The following COL4A4 variants were observed in gnomAD, a reference collection of about 807,000 sequenced individuals.
COL4A4 encodes collagen alpha-4(IV) chain.
In COL4A4, 105 loss-of-function variants were observed where a neutral mutation model predicts 192.9. The observed-to-expected ratio is 0.54, with a 90% CI of 0.46 to 0.64. COL4A4 has a LOEUF of 0.64. Ranked by LOEUF, COL4A4 falls within the 30% of genes least tolerant of loss-of-function variation. The pLI is 0.00. For missense variants in COL4A4, 1,967 were observed against 2,169.3 expected, an observed-to-expected ratio of 0.91 and a Z score of 1.85; for synonymous variants, 762 against 769.9, an observed-to-expected ratio of 0.99 and a Z score of 0.17.
At chr2:227,152,011 A>G (rs1311987611) in intron 1 of COL4A4, among the ~76,000 whole-genome samples, 2 of 152,212 alleles carry the variant, frequency 1.3e-5, no homozygotes, top group African/African-American at 2.4e-5. Context: ...CTAATTTATC[A>G]TCTAGAATTA....
intron 1 of COL4A4, among the ~76,000 whole-genome samples, chr2:227,158,683 A>C (rs527947000): frequency 2.0e-4 from 30 of 152,160 alleles, no homozygotes; most frequent in African/African-American, 6.7e-4. Flanking sequence ...GGCACTTCAC[A>C]AAAGAAGCTA....
chr2:227,124,385 A>T (rs1032741758), intron 4 of COL4A4, among the ~76,000 whole-genome samples: 1 of 152,254 alleles, frequency 6.6e-6, no homozygotes. Flanking sequence ...TATAATAAAG[A>T]TTAGTTACCA....
chr2:226,997,255 T>C, the COL4A4 span: 1 of 152,236 alleles, frequency 6.6e-6, no homozygotes, highest in South Asian at 2.1e-4. Context: ...TAAATGTGTT[T>C]AAATTAAAAT....
At chr2:227,013,924 C>T (rs957808054) in intron 44 of COL4A4, among the ~76,000 whole-genome samples, 3 of 151,964 alleles carry the variant, frequency 2.0e-5, no homozygotes, top group Non-Finnish European at 2.9e-5. Flanking sequence ...AGTGTGTTAA[C>T]ACAGACGCTG....
At chr2:227,043,252 C>A in intron 35 of COL4A4, 68 bp from the exon 36 acceptor site, 7 of 1,259,664 alleles carry the variant, frequency 5.6e-6, no homozygotes, top group Non-Finnish European at 7.0e-6. Flanking sequence ...TCACCAAGTT[C>A]AGCCCACCCT....
chr2:227,040,970 A>G (rs1314063692), intron 37 of COL4A4, among the ~76,000 whole-genome samples: 2 of 152,102 alleles, frequency 1.3e-5, no homozygotes, highest in African/African-American at 2.4e-5. Flanking sequence ...ATTATATTGT[A>G]TTGTATTATA....
intron 9 of COL4A4, among the ~76,000 whole-genome samples, chr2:227,109,905 C>A (rs577686850): frequency 6.6e-6 from 1 of 152,236 alleles, no homozygotes; most frequent in African/African-American, 2.4e-5. Flanking sequence ...GCATTACTAC[C>A]TACTCCTAAA....
At chr2:226,983,696 G>A in the COL4A4 span, among the ~76,000 whole-genome samples, 3 of 152,040 alleles carry the variant, frequency 2.0e-5, no homozygotes, top group African/African-American at 7.2e-5. Flanking sequence ...GTTAAGGAGT[G>A]TTTTAAGAAG....
At position 227,098,543 on chromosome 2, in the gene COL4A4, C is replaced by T. The variant is rs1040625305; in HGVS notation, c.1204+151G>A. On this transcript the variant is annotated intron_variant, in intron 19 of 47. Coordinates refer to ENST00000396625, the MANE Select transcript of COL4A4 (RefSeq NM_000092.5). ...CCAGGCCCATCTCCCAAGAGTCTAACATTCTTGGTCTGGGGTGTGCACAGG... is the reference window on the plus strand; with the variant it reads ...CCAGGCCCATCTCCCAAGAGTCTAATATTCTTGGTCTGGGGTGTGCACAGG... 7 of 632,270 alleles carry T rather than the reference C, an allele frequency of 1.1e-5. No individual in the cohort carries two copies. In the African/African-American group the frequency reaches 1.3e-4, roughly 12 times the overall value. The allele number at this position is 632,270 out of a possible 1,614,324, so 39.2% of individuals were successfully genotyped here. A position where few individuals can be genotyped will look rare whatever the true frequency, so the allele number is the denominator to read the frequency against.
At chr2:227,113,118 T>C (rs2061312669) in intron 8 of COL4A4, among the ~76,000 whole-genome samples, 1 of 152,218 alleles carries the variant, frequency 6.6e-6, no homozygotes, top group Admixed American at 6.5e-5. Context: ...CTATGTTTAA[T>C]TTACTGAGGA....
In COL4A4 at chr2:227,077,934, G is replaced by A. The variant is rs1378721742; in HGVS notation, c.1947C>T (p.His649=). Residue 649 remains histidine, a synonymous_variant, in exon 25 of 48, where the codon CAC becomes CAT. Transcript: ENST00000396625. ...GERGHPGVPG[H]PGVRGPDGLK... ...AGCCATCAGGGCCCCTCACACCTGG[G>A]TGGCCTGGAACTCCTGGGTGGCCTC... 1 of 1,613,436 alleles carries A rather than the reference G, an allele frequency of 6.2e-7. No individual in the cohort carries two copies. Among genetic ancestry groups the A allele is most frequent in the Non-Finnish European group, 8.5e-7 (1 of 1,180,024 alleles).
At chr2:227,009,234 G>A (rs139991563) in intron 46 of COL4A4, among the ~76,000 whole-genome samples, 45 of 152,292 alleles carry the variant, frequency 3.0e-4, no homozygotes, top group African/African-American at 9.6e-4. Flanking sequence ...AACAGCTGGG[G>A]TCACTGCCTA....
At chr2:227,068,602 A>G (rs1410002539) in intron 25 of COL4A4, among the ~76,000 whole-genome samples, 1 of 152,218 alleles carries the variant, frequency 6.6e-6, no homozygotes, top group East Asian at 1.9e-4. Flanking sequence ...TATAAACAGA[A>G]CCAAAGACAA....
intron 22 of COL4A4, among the ~76,000 whole-genome samples, chr2:227,087,529 C>T (rs111888043): frequency 0.012 from 1,900 of 152,252 alleles, 37 homozygotes; most frequent in African/African-American, 0.043. Context: ...TTCCTTATAT[C>T]CTATGTCCAA....
At chr2:226,999,272 A>G (rs886128503), downstream of COL4A4, 1 of 152,126 alleles carries the variant, frequency 6.6e-6, no homozygotes, top group African/African-American at 2.4e-5. Flanking sequence ...GTGCTTATTG[A>G]TATCATTGTA....
intron 46 of COL4A4, among the ~76,000 whole-genome samples, chr2:227,009,925 C>T (rs191709021): frequency 4.5e-4 from 69 of 152,276 alleles, no homozygotes; most frequent in Admixed American, 1.5e-3. Context: ...GCTGTGGCTG[C>T]ACCATTTTAC....
chr2:227,026,269 G>A (rs933632316), intron 42 of COL4A4, among the ~76,000 whole-genome samples: 19 of 152,052 alleles, frequency 1.2e-4, no homozygotes, highest in African/African-American at 3.6e-4. Flanking sequence ...AGGCCAAGGC[G>A]GGTGGATCAC....
intron 44 of COL4A4, among the ~76,000 whole-genome samples, chr2:227,015,518 G>A (rs968561896): frequency 1.6e-4 from 24 of 152,072 alleles, no homozygotes; most frequent in African/African-American, 4.6e-4. Flanking sequence ...TCCTTGTGAC[G>A]CCCCCTCCCT....
chr2:227,052,172 C>G (rs1974262010), intron 32 of COL4A4, 133 bp downstream of exon 32: 1 of 633,720 alleles, frequency 1.6e-6, no homozygotes, highest in African/African-American at 1.8e-5. Flanking sequence ...GCCTGGGCGA[C>G]AAGAGCAAAA....
Sources: allele counts gnomAD v4.1 joint callset (sites outside exome capture counted in the v4.1 genomes callset), GRCh38; gene constraint gnomAD v4.1.1; transcripts MANE v1.5; gene names NCBI Gene and HGNC (gene_info 2026-07-23, HGNC 2026-07-21).